SGCZ: variants seen among roughly 807,000 people sequenced by gnomAD.
SGCZ encodes sarcoglycan zeta, also known as zeta-sarcoglycan.
In SGCZ, 40 loss-of-function variants were observed where a neutral mutation model predicts 41.3. That is an observed-to-expected ratio of 0.97 (90% confidence interval 0.75 to 1.26). The LOEUF (loss-of-function observed/expected upper bound fraction) is 1.26, where lower values mean the gene tolerates loss of function less well. Among genes scored for constraint, SGCZ ranks in the 50% most tolerant of loss-of-function variants. The pLI is 0.00. For missense variants in SGCZ, 552 were observed against 369.8 expected (o/e 1.49, Z -4.04); for synonymous variants, 206 against 137.5 (o/e 1.50, Z -3.49).
At chr8:14,781,551 C>A (rs10788688) in intron 1 of SGCZ, among the ~76,000 whole-genome samples, 49,203 of 151,894 alleles carry the variant, frequency 0.32, 9,546 homozygotes, top group East Asian at 0.5. Context: ...TGATTTTCAT[C>A]CTTTCAAAAC....
rs577842399 is a variant in SGCZ at position 14,141,016 on chromosome 8, C to T, written c.547+23564G>A. ...AGGACAGAGCCCTCAGAAATAATACCGCACACCTACAACCATCTGATCTTT... is the reference window on the plus strand; with the variant it reads ...AGGACAGAGCCCTCAGAAATAATACTGCACACCTACAACCATCTGATCTTT... On this transcript the variant is annotated intron_variant, in intron 5 of 7. Coordinates refer to ENST00000382080, the MANE Select transcript of SGCZ (RefSeq NM_139167.4). Among the ~76,000 whole-genome samples the T allele has an allele frequency of 1.6e-4, 25 of 152,186 alleles. No homozygotes were observed. The South Asian group carries it at 3.7e-3, about 23-fold the overall frequency.
At chr8:14,836,521 C>T (rs182178554) in intron 1 of SGCZ, among the ~76,000 whole-genome samples, 13 of 152,238 alleles carry the variant, frequency 8.5e-5, no homozygotes, top group South Asian at 2.1e-4. Flanking sequence ...TGTTTTGAGA[C>T]GGGGTCTCAC....
chr8:14,202,392 A>G (rs74575792), intron 4 of SGCZ, among the ~76,000 whole-genome samples: 6,435 of 152,206 alleles, frequency 0.042, 154 homozygotes, highest in Middle Eastern at 0.075. Context: ...ATTGCATAAT[A>G]ATTTTGTGGT....
At chr8:14,741,810 A>G (rs1799205187) in intron 1 of SGCZ, among the ~76,000 whole-genome samples, 1 of 152,080 alleles carries the variant, frequency 6.6e-6, no homozygotes, top group African/African-American at 2.4e-5. Flanking sequence ...TAGATAGACA[A>G]TTATGTCGGT....
chr8:14,983,287 T>C, intron 1 of SGCZ, among the ~76,000 whole-genome samples: 1 of 151,922 alleles, frequency 6.6e-6, no homozygotes, highest in South Asian at 2.1e-4. Flanking sequence ...CAGGTTGAAC[T>C]GGTAGGCTTA....
chr8:14,178,835 T>C (rs1487131695), intron 4 of SGCZ, among the ~76,000 whole-genome samples: 3 of 152,218 alleles, frequency 2.0e-5, no homozygotes. Context: ...GAAACTTTTA[T>C]GTACTTCAAA....
At chr8:14,417,081 G>A (rs970654891) in intron 2 of SGCZ, among the ~76,000 whole-genome samples, 1 of 151,830 alleles carries the variant, frequency 6.6e-6, no homozygotes, top group South Asian at 2.1e-4. Context: ...CAAGACATAT[G>A]AAGGGACGTT....
Position 14,791,406 on chromosome 8 carries a change from G to C in SGCZ, c.40-236480C>G, listed in dbSNP as rs763880118. 5.3e-5 allele frequency among the ~76,000 whole-genome samples: 8 copies of C among 151,810 alleles called. No homozygotes were observed. In the South Asian group the frequency reaches 6.2e-4, roughly 12 times the overall value. The stretch of plus-strand genomic sequence containing the variant: ...CTAGGAGTTATCCTGAGAAGCAAGT[G>C]GTCAGCAGCTAACTGGTATGCTGAA... On this transcript the variant is annotated intron_variant, in intron 1 of 7. Coordinates refer to ENST00000382080, the MANE Select transcript of SGCZ (RefSeq NM_139167.4).
chr8:15,000,409 G>C (rs568945413), intron 1 of SGCZ, among the ~76,000 whole-genome samples: 2 of 152,188 alleles, frequency 1.3e-5, no homozygotes, highest in Non-Finnish European at 2.9e-5. Flanking sequence ...TAGGCAGATA[G>C]TAAGGGTTAT....
At chr8:15,109,531 T>C (rs1046202970) in intron 1 of SGCZ, among the ~76,000 whole-genome samples, 1 of 152,140 alleles carries the variant, frequency 6.6e-6, no homozygotes, top group African/African-American at 2.4e-5. Context: ...GAAGATTTAA[T>C]TGCAAATTTG....
intron 1 of SGCZ, among the ~76,000 whole-genome samples, chr8:15,129,933 T>TATATAC (rs1459177892): frequency 2.0e-5 from 3 of 152,078 alleles, no homozygotes; most frequent in East Asian, 3.9e-4. Context: ...CACATATGCA[T>TATATAC]ATATACATAT....
At chr8:14,546,099 G>A (rs946796384) in intron 2 of SGCZ, among the ~76,000 whole-genome samples, 3 of 152,086 alleles carry the variant, frequency 2.0e-5, no homozygotes, top group South Asian at 2.1e-4. Context: ...CATACGGAAG[G>A]GTATAATGGA....
intron 4 of SGCZ, among the ~76,000 whole-genome samples, chr8:14,182,141 T>C (rs1482303986): frequency 6.6e-6 from 1 of 152,166 alleles, no homozygotes; most frequent in African/African-American, 2.4e-5. Flanking sequence ...TCTCATACTC[T>C]ACTCAGGGAC....
chr8:14,797,277 CTTG>C (rs975828415), intron 1 of SGCZ, among the ~76,000 whole-genome samples: 4 of 151,858 alleles, frequency 2.6e-5, no homozygotes, highest in African/African-American at 9.7e-5. Flanking sequence ...TTCCTAGAGA[CTTG>C]TTGAATGACT....
chr8:14,209,335 T>C (rs1035377702), intron 4 of SGCZ, among the ~76,000 whole-genome samples: 3 of 152,084 alleles, frequency 2.0e-5, no homozygotes, highest in African/African-American at 7.2e-5. Context: ...AGAGCTGTTC[T>C]GCTTTCTCTT....
At chr8:14,231,235 GAGAGAGAGAGAGAGACAC>G in intron 4 of SGCZ, among the ~76,000 whole-genome samples, 1 of 150,736 alleles carries the variant, frequency 6.6e-6, no homozygotes, top group Non-Finnish European at 1.5e-5. Flanking sequence ...GAGAGACAGA[GAGAGAGAGAGAGAGACAC>G]AGAGAGAGAG....
chr8:14,942,103 T>C (rs1407278716), intron 1 of SGCZ, among the ~76,000 whole-genome samples: 1 of 151,948 alleles, frequency 6.6e-6, no homozygotes, highest in African/African-American at 2.4e-5. Context: ...AGCTCGCCTG[T>C]TTCCCTAGAT....
At chr8:14,536,893 C>T (rs925060022) in intron 2 of SGCZ, among the ~76,000 whole-genome samples, 2 of 151,824 alleles carry the variant, frequency 1.3e-5, no homozygotes, top group Non-Finnish European at 2.9e-5. Flanking sequence ...AAGTGACCTG[C>T]TATAAAGCAT....
chr8:14,089,105 T>C lies in SGCZ; in HGVS notation c.*1338A>G, dbSNP rs1585122780. ...TTGAGTTAAGGGGTGCTGTGATAAA[T>C]GAATATTCAGTATTCTGGAGTTGTT... On this transcript the variant is annotated 3_prime_UTR_variant, in exon 8 of 8. Transcript: ENST00000382080. 6.6e-6 allele frequency among the ~76,000 whole-genome samples: 1 copy of C among 152,116 alleles called. No individual in the cohort carries two copies. Among genetic ancestry groups the C allele is most frequent in the East Asian group, 1.9e-4 (1 of 5,144 alleles).
Sources: gnomAD v4.1 joint callset for allele counts (sites outside exome capture counted in the v4.1 genomes callset) on GRCh38, gnomAD v4.1.1 for gene constraint, MANE v1.5 for transcripts, NCBI Gene and HGNC (gene_info 2026-07-23, HGNC 2026-07-21) for gene names.